BICRA: variants seen among roughly 807,000 people sequenced by gnomAD.
BICRA encodes the protein BRD4 interacting chromatin remodeling complex associated protein.
BICRA carries 31 observed loss-of-function variants against 96.9 expected under a neutral mutation model. That is an observed-to-expected ratio of 0.32 (90% CI 0.24 to 0.43). BICRA has a LOEUF of 0.43. Ranked by LOEUF, BICRA falls within the 20% of genes least tolerant of loss-of-function variation. The probability of loss-of-function intolerance (pLI) is 1.00; values close to 1 mark genes in which losing one functional copy is unlikely to be tolerated. For missense variants in BICRA, 2,283 were observed against 2,190.3 expected, an observed-to-expected ratio of 1.04 and a Z score of -0.84; for synonymous variants, 1,350 against 1,071.8, an observed-to-expected ratio of 1.26 and a Z score of -5.07.
At chr19:47,627,371 C>A (rs1413160246) in intron 1 of BICRA, among the ~76,000 whole-genome samples, 3 of 152,076 alleles carry the variant, frequency 2.0e-5, no homozygotes, top group Admixed American at 6.6e-5. Context: ...GCTAGAGAGG[C>A]CTACTTCCTC....
At chr19:47,608,873 C>T (rs115266824), upstream of BICRA, among the ~76,000 whole-genome samples, 16,924 of 88,440 alleles carry the variant, frequency 0.19, 1,071 homozygotes, top group East Asian at 0.3. Context: ...GGGTGGGGGG[C>T]GGAACACAAA....
intron 11 of BICRA, among the ~76,000 whole-genome samples, chr19:47,697,381 A>AGACTGC (rs1270164447): frequency 3.3e-5 from 5 of 151,800 alleles, no homozygotes; most frequent in African/African-American, 9.7e-5. Flanking sequence ...CGACAGAGCA[A>AGACTGC]GACTGCATGC....
intron 1 of BICRA, among the ~76,000 whole-genome samples, chr19:47,640,895 ATT>A (rs35232398): frequency 5.3e-5 from 5 of 95,216 alleles, no homozygotes; most frequent in Non-Finnish European, 3.9e-5. Flanking sequence ...TCAGAGTCAG[ATT>A]TTTTTTTTTT....
intron 7 of BICRA, among the ~76,000 whole-genome samples, chr19:47,682,676 C>CTT (rs61431925): frequency 6.1e-4 from 89 of 144,750 alleles, no homozygotes; most frequent in East Asian, 2.4e-3. Context: ...TTCTCTCTCT[C>CTT]TTTTTTTTTT....
chr19:47,643,420 C>T (rs1015589135), intron 1 of BICRA, among the ~76,000 whole-genome samples: 1 of 152,206 alleles, frequency 6.6e-6, no homozygotes, highest in Non-Finnish European at 1.5e-5. Flanking sequence ...TGCATCCTAG[C>T]GGCTCAGTCC....
At chr19:47,671,488 C>A (rs1029237721) in intron 2 of BICRA, among the ~76,000 whole-genome samples, 1 of 152,086 alleles carries the variant, frequency 6.6e-6, no homozygotes, top group African/African-American at 2.4e-5. Context: ...GTCTTCTTTT[C>A]CATTGTGTAT....
chr19:47,628,595 C>T (rs1972174349), intron 1 of BICRA, among the ~76,000 whole-genome samples: 1 of 152,132 alleles, frequency 6.6e-6, no homozygotes, highest in South Asian at 2.1e-4. Context: ...CTTTCCTTTT[C>T]CAAAGGTGAC....
chr19:47,627,328 C>T (rs1972156087), intron 1 of BICRA, among the ~76,000 whole-genome samples: 1 of 152,050 alleles, frequency 6.6e-6, no homozygotes, highest in Non-Finnish European at 1.5e-5. Flanking sequence ...GGAACAAGGC[C>T]CCTACCTTGT....
chr19:47,676,027 G>A, intron 5 of BICRA, 111 bp downstream of exon 5: 1 of 688,178 alleles, frequency 1.5e-6, no homozygotes, highest in Non-Finnish European at 2.5e-6. Flanking sequence ...GCTGTTGACA[G>A]GAGGAGGGCG....
At position 47,675,898 on chromosome 19, in the gene BICRA, C is replaced by T; in HGVS notation, c.132C>T (p.Ala44=). The change falls in exon 5 of 15, where the codon GCC becomes GCT. Residue 44 remains alanine (A), a synonymous_variant. Transcript: ENST00000594866. This position sits in a 1 kb window ranked among gnomAD's most constrained non-coding sequence, Gnocchi z 4.7. The part of the protein sequence containing the change: ...LLDNPGEAQS[A]FYEGPGLHVQ... ...ATAATCCCGGGGAGGCCCAAAGTGC[C>T]TTCTATGAAGGTCCTGGGGTAAGTG... is the stretch of plus-strand genomic sequence containing the variant. 2 of 1,608,218 alleles carry T rather than the reference C, an allele frequency of 1.2e-6. No individual in the cohort carries two copies. Among genetic ancestry groups the T allele is most frequent in the Non-Finnish European group, 1.7e-6 (2 of 1,177,142 alleles).
Position 47,680,939 on chromosome 19 carries a change from C to G in BICRA, c.1769C>G (p.Pro590Arg). 6.8e-7 allele frequency: 1 copy of G among 1,478,606 alleles called. No individual in the cohort carries two copies. The highest frequency in any genetic ancestry group is 1.5e-5 in the African/African-American group (1 of 68,232). The allele number at this position is 1,478,606 out of a possible 1,614,324, so 91.6% of individuals were successfully genotyped here. The change falls in exon 6 of 15, where the codon CCC becomes CGC. Residue 590 changes from proline to arginine, a missense_variant. Transcript: ENST00000594866. ...TTVLQGVTLPPSAVAMLNTPD... is the reference protein window; with the variant it reads ...TTVLQGVTLPRSAVAMLNTPD... ...GTCCTCCAGGGGGTCACCCTGCCCC[C>G]CAGCGCCGTGGCCATGCTCAACACC...
intron 7 of BICRA, among the ~76,000 whole-genome samples, chr19:47,688,345 G>T (rs1973189739): frequency 6.6e-6 from 1 of 152,116 alleles, no homozygotes; most frequent in Admixed American, 6.6e-5. Flanking sequence ...GCTTTGGGAA[G>T]CTAAGATGGG....
intron 1 of BICRA, among the ~76,000 whole-genome samples, chr19:47,667,534 G>C (rs1241226505): frequency 6.6e-6 from 1 of 152,160 alleles, no homozygotes; most frequent in Non-Finnish European, 1.5e-5. Flanking sequence ...ATGAACAGAC[G>C]TGAACCCTTC....
At chr19:47,628,033 G>C (rs532140403) in intron 1 of BICRA, among the ~76,000 whole-genome samples, 1 of 152,316 alleles carries the variant, frequency 6.6e-6, no homozygotes, top group African/African-American at 2.4e-5. Flanking sequence ...TCCTCGAAGT[G>C]GTGGGATTAC....
intron 1 of BICRA, among the ~76,000 whole-genome samples, chr19:47,610,663 G>C (rs948172784): frequency 8.6e-5 from 13 of 150,852 alleles, no homozygotes; most frequent in Admixed American, 6.6e-5. Context: ...TACAGATCTA[G>C]GGGTGCCTTT....
At chr19:47,674,040 A>G (rs1972905488) in intron 4 of BICRA, among the ~76,000 whole-genome samples, 1 of 152,246 alleles carries the variant, frequency 6.6e-6, no homozygotes, top group Non-Finnish European at 1.5e-5. Flanking sequence ...CATTTGCACA[A>G]TGAAAGAGGT....
Position 47,702,628 on chromosome 19 carries a change from A to G in BICRA, c.*213A>G. On this transcript the variant is annotated 3_prime_UTR_variant, in exon 15 of 15. Coordinates refer to ENST00000594866, the MANE Select transcript of BICRA (RefSeq NM_001394372.1). ...GATTTAGGGAGGGGGCTGTGATGTA[A>G]AACGTCTCCCCTGCCAAAGGAGGGG... 1.8e-6 allele frequency: 1 copy of G among 548,412 alleles called. No individual in the cohort carries two copies. Among genetic ancestry groups the G allele is most frequent in the Non-Finnish European group, 3.1e-6 (1 of 324,556 alleles). The allele number at this position is 548,412 out of a possible 1,614,324, so 34.0% of individuals were successfully genotyped here. A position where few individuals can be genotyped will look rare whatever the true frequency, so the allele number is the denominator to read the frequency against.
chr19:47,679,701 C>T lies in BICRA; in HGVS notation c.531C>T (p.Thr177=). ...LGLQGPPTVL[T]HQALVPPQDV... is the part of the protein sequence containing the mutation. ...TGCAGGGCCCGCCTACCGTGCTGAC[C>T]CACCAGGCCCTGGTGCCGCCCCAGG... The change falls in exon 6 of 15, where the codon ACC becomes ACT. Residue 177 remains threonine (T), a synonymous_variant. Coordinates refer to ENST00000594866, the MANE Select transcript of BICRA (RefSeq NM_001394372.1). 1 of 1,533,450 alleles carries T rather than the reference C, an allele frequency of 6.5e-7. No individual in the cohort carries two copies. The highest frequency in any genetic ancestry group is 8.8e-7 in the Non-Finnish European group (1 of 1,141,576). 95.0% of individuals were successfully genotyped at this position (1,533,450 alleles called of 1,614,324 possible). A position where few individuals can be genotyped will look rare whatever the true frequency, so the allele number is the denominator to read the frequency against.
rs1426026168 is a variant in BICRA at position 47,680,235 on chromosome 19, C to T, written c.1065C>T (p.Pro355=). The stretch of plus-strand genomic sequence containing the variant: ...CACCCACGCCCATCCAGCCCAAGCC[C>T]GCGGGGGTGCTGCCGCCCAAGCTCT... ...HRTPTPIQPK[P]AGVLPPKLYQ... is the part of the protein sequence containing the mutation. Residue 355 remains proline, a synonymous_variant, in exon 6 of 15, where the codon CCC becomes CCT. Coordinates refer to ENST00000594866, the MANE Select transcript of BICRA (RefSeq NM_001394372.1). The T allele has an allele frequency of 9.6e-6, 15 of 1,559,762 alleles. No homozygotes were observed. The highest frequency in any genetic ancestry group is 5.5e-5 in the Admixed American group (3 of 54,886).
Sources: gnomAD v4.1 joint callset for allele counts (sites outside exome capture counted in the v4.1 genomes callset) on GRCh38, gnomAD v4.1.1 for gene constraint, Gnocchi (gnomAD v3.1) non-coding constraint, MANE v1.5 for transcripts, NCBI Gene and HGNC (gene_info 2026-07-23, HGNC 2026-07-21) for gene names.